Variants in EPHA5 observed in about 807,000 individuals in gnomAD.
EPHA5 encodes ephrin type-A receptor 5.
Under a neutral mutation model 105.0 loss-of-function variants are expected in EPHA5, and 60 were observed. The ratio of observed to expected loss-of-function variants is 0.57; its 90% CI spans 0.46 to 0.71. The LOEUF is 0.71. Among genes scored for constraint, EPHA5 ranks in the 30% least tolerant of loss-of-function variants. EPHA5 has a pLI of 0.00. For missense variants in EPHA5, 1,218 were observed against 1,274.7 expected, an observed-to-expected ratio of 0.96 and a Z score of 0.68; for synonymous variants, 513 against 449.1, an observed-to-expected ratio of 1.14 and a Z score of -1.80.
At chr4:65,440,069 C>T (rs1725865804) in intron 5 of EPHA5, among the ~76,000 whole-genome samples, 1 of 151,946 alleles carries the variant, frequency 6.6e-6, no homozygotes, top group Non-Finnish European at 1.5e-5. Flanking sequence ...TATATATGGT[C>T]TTTGAGAATG....
At chr4:65,345,314 G>T (rs1369915804) in intron 14 of EPHA5, among the ~76,000 whole-genome samples, 1 of 152,210 alleles carries the variant, frequency 6.6e-6, no homozygotes, top group Non-Finnish European at 1.5e-5. Context: ...TTGTCATCCG[G>T]TGTGCTTGCT....
intron 2 of EPHA5, among the ~76,000 whole-genome samples, chr4:65,641,968 T>G (rs1747709524): frequency 6.6e-6 from 1 of 152,072 alleles, no homozygotes; most frequent in South Asian, 2.1e-4. Flanking sequence ...ATTGAGTAAT[T>G]GTCTTCAAAT....
intron 1 of EPHA5, among the ~76,000 whole-genome samples, chr4:65,668,171 G>C (rs1014129961): frequency 6.6e-6 from 1 of 152,110 alleles, no homozygotes; most frequent in Admixed American, 6.5e-5. Flanking sequence ...TGGGATGAGG[G>C]CAGGGGAGCC....
At chr4:65,437,626 T>C (rs902350694) in intron 5 of EPHA5, among the ~76,000 whole-genome samples, 11 of 151,968 alleles carry the variant, frequency 7.2e-5, no homozygotes, top group African/African-American at 2.7e-4. Flanking sequence ...AAATCATTCA[T>C]AGGATTTTAA....
intron 3 of EPHA5, among the ~76,000 whole-genome samples, chr4:65,519,312 T>C (rs981726541): frequency 6.6e-6 from 1 of 152,056 alleles, no homozygotes; most frequent in African/African-American, 2.4e-5. Context: ...AAAAGGCCTT[T>C]GACAAAATTC....
At chr4:65,598,478 C>T (rs1296386050) in intron 3 of EPHA5, among the ~76,000 whole-genome samples, 2 of 152,202 alleles carry the variant, frequency 1.3e-5, no homozygotes, top group African/African-American at 4.8e-5. Context: ...TGCTTTTTGA[C>T]TTCTTTCTCA....
At chr4:65,329,709 A>T (rs1720409163) in intron 16 of EPHA5, among the ~76,000 whole-genome samples, 2 of 151,238 alleles carry the variant, frequency 1.3e-5, no homozygotes, top group Non-Finnish European at 3.0e-5. Context: ...TGGGGTAAAG[A>T]CTATGCGTGA....
chr4:65,324,534 A>G (rs1204226536), intron 16 of EPHA5, among the ~76,000 whole-genome samples: 2 of 149,424 alleles, frequency 1.3e-5, no homozygotes, highest in East Asian at 4.0e-4. Context: ...AACAGGTACA[A>G]TTTCATTGAA....
At chr4:65,621,095 T>C (rs1449859104) in intron 2 of EPHA5, among the ~76,000 whole-genome samples, 2 of 152,176 alleles carry the variant, frequency 1.3e-5, no homozygotes, top group Non-Finnish European at 2.9e-5. Flanking sequence ...ACCTCAGATA[T>C]GGTCTTGGGA....
chr4:65,600,392 A>C (rs547554840), intron 3 of EPHA5, among the ~76,000 whole-genome samples: 74 of 152,328 alleles, frequency 4.9e-4, no homozygotes, highest in African/African-American at 1.7e-3. Context: ...ATGGAAAAAC[A>C]ACAGAATTAA....
At chr4:65,371,464 C>G (rs1024110442) in intron 8 of EPHA5, among the ~76,000 whole-genome samples, 3 of 151,958 alleles carry the variant, frequency 2.0e-5, no homozygotes, top group Non-Finnish European at 4.4e-5. Context: ...TAATGCTGAT[C>G]TTAAAAATTT....
intron 5 of EPHA5, among the ~76,000 whole-genome samples, chr4:65,455,264 T>C (rs1163336454): frequency 1.3e-5 from 2 of 151,952 alleles, no homozygotes; most frequent in African/African-American, 4.8e-5. Context: ...TAAAAATAAA[T>C]AAATAAAAAT....
chr4:65,514,832 T>A (rs1733949827), intron 3 of EPHA5, among the ~76,000 whole-genome samples: 1 of 152,124 alleles, frequency 6.6e-6, no homozygotes. Flanking sequence ...CTGCAATAAT[T>A]CTTGGTAATT....
Position 65,366,002 on chromosome 4 carries a change from A to T in EPHA5, c.1917T>A (p.Asn639Lys), listed in dbSNP as rs767010843. ...YIDPHTYEDP[N>K]QAVHEFAKEI... ...CCTTAGCAAATTCGTGGACAGCTTG[A>T]TTGGGATCCTCATAGGTATGTGGAT... The change falls in exon 10 of 17, where the codon AAT becomes AAA. Residue 639 changes from asparagine (N) to lysine (K), a missense_variant. Asn to Lys is a moderately conservative substitution (Grantham distance 94, BLOSUM62 0). This residue lies in a region of EPHA5 where 971 missense variants were observed against 1,013.5 expected (regional missense o/e 0.96). Coordinates refer to ENST00000613740, the MANE Select transcript of EPHA5 (RefSeq NM_001281766.3). 1 of 1,609,326 alleles carries T rather than the reference A, an allele frequency of 6.2e-7. No individual in the cohort carries two copies. The highest frequency in any genetic ancestry group is 8.5e-7 in the Non-Finnish European group (1 of 1,176,634).
At chr4:65,631,660 A>C (rs906306648) in intron 2 of EPHA5, among the ~76,000 whole-genome samples, 1 of 150,552 alleles carries the variant, frequency 6.6e-6, no homozygotes, top group Admixed American at 6.6e-5. Context: ...AGGAAGTAAT[A>C]CTTAAGTCAA....
At chr4:65,409,085 C>G (rs1327512438) in intron 7 of EPHA5, among the ~76,000 whole-genome samples, 1 of 142,728 alleles carries the variant, frequency 7.0e-6, no homozygotes, top group East Asian at 2.1e-4. Context: ...TAAACTATCA[C>G]AAGAACAAAA....
intron 3 of EPHA5, among the ~76,000 whole-genome samples, chr4:65,574,952 A>G (rs1295647266): frequency 6.6e-6 from 1 of 151,742 alleles, no homozygotes. Context: ...ATTTTATTGA[A>G]CAAGGTTTCC....
intron 3 of EPHA5, among the ~76,000 whole-genome samples, chr4:65,554,864 A>T (rs1738253344): frequency 1.3e-5 from 2 of 151,512 alleles, no homozygotes; most frequent in Non-Finnish European, 2.9e-5. Flanking sequence ...TGGTACTCAG[A>T]CTCCATTATT....
chr4:65,337,010 A>T (rs539231638), intron 14 of EPHA5, among the ~76,000 whole-genome samples: 1 of 152,140 alleles, frequency 6.6e-6, no homozygotes, highest in South Asian at 2.1e-4. Flanking sequence ...TTCACAAAGA[A>T]TTCAGAATTG....
Sources: allele counts gnomAD v4.1 joint callset (sites outside exome capture counted in the v4.1 genomes callset), GRCh38; gene constraint gnomAD v4.1.1; regional missense constraint gnomAD v4.1.1; transcripts MANE v1.5; gene names NCBI Gene and HGNC (gene_info 2026-07-23, HGNC 2026-07-21).